Variants in SYT9 observed in about 807,000 individuals in gnomAD.
The protein encoded by SYT9 is synaptotagmin 9, also known as synaptotagmin-9.
In SYT9, 22 loss-of-function variants were observed where a neutral mutation model predicts 48.4. That is an observed-to-expected ratio of 0.45 (90% CI 0.32 to 0.65). SYT9 has a LOEUF of 0.65. SYT9 is among the 30% of genes least tolerant of loss of function. SYT9 has a pLI of 0.03. For synonymous variants in SYT9, 265 were observed against 245.0 expected, an observed-to-expected ratio of 1.08 and a Z score of -0.76; for missense variants, 577 against 622.0, an observed-to-expected ratio of 0.93 and a Z score of 0.77.
upstream of SYT9, among the ~76,000 whole-genome samples, chr11:7,250,010 C>A (rs1379195967): frequency 2.6e-5 from 4 of 152,164 alleles, no homozygotes; most frequent in East Asian, 7.7e-4. Context: ...ACCTTCCAAT[C>A]TCCTCTTTCA....
intron 3 of SYT9, among the ~76,000 whole-genome samples, chr11:7,366,412 A>G (rs1222745808): frequency 2.0e-5 from 3 of 152,324 alleles, no homozygotes; most frequent in Middle Eastern, 3.4e-3. Context: ...AGGTCACTCT[A>G]TGCATACTTC....
intron 2 of SYT9, among the ~76,000 whole-genome samples, chr11:7,304,459 T>C (rs2133939619): frequency 6.6e-6 from 1 of 152,362 alleles, no homozygotes; most frequent in Middle Eastern, 3.4e-3. Flanking sequence ...ATTTGGAAGG[T>C]ATAAACACAA....
chr11:7,285,956 G>A (rs1848587877), intron 1 of SYT9, among the ~76,000 whole-genome samples: 1 of 152,034 alleles, frequency 6.6e-6, no homozygotes, highest in African/African-American at 2.4e-5. Context: ...GGCTTTGCAG[G>A]GGACAGCCCC....
chr11:7,390,469 G>A (rs1239596980), intron 3 of SYT9, among the ~76,000 whole-genome samples: 3 of 152,088 alleles, frequency 2.0e-5, no homozygotes, highest in Non-Finnish European at 2.9e-5. Flanking sequence ...TTTAAGAAAC[G>A]GTAGCAGTTA....
chr11:7,414,184 C>T (rs7116485), intron 3 of SYT9, among the ~76,000 whole-genome samples: 13,971 of 152,164 alleles, frequency 0.092, 712 homozygotes, highest in Middle Eastern at 0.16. Context: ...GTGCACAGTG[C>T]GGGCCCTCAG....
intron 3 of SYT9, among the ~76,000 whole-genome samples, chr11:7,335,619 A>G (rs1426900044): frequency 3.3e-5 from 5 of 152,184 alleles, no homozygotes; most frequent in African/African-American, 9.7e-5. Context: ...CTTTAGCTCC[A>G]TTCATGTTCC....
intron 6 of SYT9, among the ~76,000 whole-genome samples, chr11:7,448,732 A>C (rs1358128143): frequency 6.6e-6 from 1 of 152,224 alleles, no homozygotes; most frequent in Admixed American, 6.5e-5. Flanking sequence ...CTCACTTTTC[A>C]TAGGCCTTCA....
chr11:7,281,093 C>CTGTGTGT (rs1848485000), intron 1 of SYT9, among the ~76,000 whole-genome samples: 2 of 152,170 alleles, frequency 1.3e-5, no homozygotes, highest in African/African-American at 4.8e-5. Context: ...TTTCTGAACT[C>CTGTGTGT]ACAGATATGT....
chr11:7,269,465 C>T (rs1358071823), intron 1 of SYT9, among the ~76,000 whole-genome samples: 2 of 152,026 alleles, frequency 1.3e-5, no homozygotes, highest in Non-Finnish European at 2.9e-5. Context: ...GTAAAGAGAC[C>T]TAGGAGTAGT....
chr11:7,398,094 G>A (rs1006918675), intron 3 of SYT9, among the ~76,000 whole-genome samples: 9 of 152,112 alleles, frequency 5.9e-5, no homozygotes, highest in Non-Finnish European at 7.4e-5. Context: ...AATGTTAGCC[G>A]TAGCTTTTTA....
intron 3 of SYT9, among the ~76,000 whole-genome samples, chr11:7,405,901 A>T (rs1846998465): frequency 6.6e-6 from 1 of 152,174 alleles, no homozygotes; most frequent in African/African-American, 2.4e-5. Flanking sequence ...CTTTTTTAAA[A>T]ATTTGCTTGT....
chr11:7,451,418 A>G (rs561551127), intron 6 of SYT9, among the ~76,000 whole-genome samples: 9 of 152,332 alleles, frequency 5.9e-5, no homozygotes, highest in African/African-American at 1.9e-4. Flanking sequence ...TTCCCTCGCT[A>G]TCTTAGCTTG....
At chr11:7,300,594 G>A (rs1376883834) in intron 1 of SYT9, among the ~76,000 whole-genome samples, 1 of 152,238 alleles carries the variant, frequency 6.6e-6, no homozygotes, top group Non-Finnish European at 1.5e-5. Flanking sequence ...TCTCCTAGCA[G>A]TGTCTGTGTC....
At chr11:7,328,779 G>C (rs7114114) in intron 3 of SYT9, among the ~76,000 whole-genome samples, 2 of 152,184 alleles carry the variant, frequency 1.3e-5, no homozygotes, top group Non-Finnish European at 2.9e-5. Flanking sequence ...TTAAAGATCT[G>C]TTGATGTTAG....
chr11:7,424,404 C>T (rs1018847695), intron 6 of SYT9, among the ~76,000 whole-genome samples: 4 of 152,188 alleles, frequency 2.6e-5, no homozygotes, highest in African/African-American at 9.7e-5. Flanking sequence ...TCCCTTAGCA[C>T]GGCACCCTCC....
intron 6 of SYT9, among the ~76,000 whole-genome samples, chr11:7,424,317 C>G (rs1590018939): frequency 6.6e-6 from 1 of 152,124 alleles, no homozygotes; most frequent in South Asian, 2.1e-4. Context: ...TGTGAAAACT[C>G]CCCCAAGCAG....
intron 3 of SYT9, among the ~76,000 whole-genome samples, chr11:7,403,564 C>T: frequency 6.6e-6 from 1 of 150,504 alleles, no homozygotes; most frequent in African/African-American, 2.4e-5. Context: ...AATAAATAAA[C>T]AGAGAGAGAG....
chr11:7,366,703 C>CAT (rs1850250070), intron 3 of SYT9, among the ~76,000 whole-genome samples: 2 of 152,070 alleles, frequency 1.3e-5, no homozygotes, highest in Admixed American at 1.3e-4. Context: ...TATAAATCCA[C>CAT]ATATATATAT....
intron 3 of SYT9, among the ~76,000 whole-genome samples, chr11:7,352,112 G>C (rs535718910): frequency 6.6e-6 from 1 of 152,160 alleles, no homozygotes; most frequent in African/African-American, 2.4e-5. Flanking sequence ...TCCCTGAGGG[G>C]CTTGGGAAAT....
Sources: gnomAD v4.1 joint callset for allele counts (sites outside exome capture counted in the v4.1 genomes callset) on GRCh38, gnomAD v4.1.1 for gene constraint, MANE v1.5 for transcripts, NCBI Gene and HGNC (gene_info 2026-07-23, HGNC 2026-07-21) for gene names.